FSCN1: variants seen among roughly 807,000 people sequenced by gnomAD.
FSCN1 encodes fascin actin-bundling protein 1.
FSCN1 carries 10 observed loss-of-function variants against 39.7 expected under a neutral mutation model. That is an observed-to-expected ratio of 0.25 (90% CI 0.16 to 0.43). FSCN1 has a LOEUF of 0.43. Among genes scored for constraint, FSCN1 ranks in the 20% least tolerant of loss-of-function variants. FSCN1 has a pLI of 1.00. For missense variants in FSCN1, 525 were observed against 723.8 expected (o/e 0.73, Z 3.15); for synonymous variants, 322 against 320.0 (o/e 1.01, Z -0.07).
At chr7:5,601,428 C>A (rs995528085) in intron 1 of FSCN1, among the ~76,000 whole-genome samples, 1 of 151,898 alleles carries the variant, frequency 6.6e-6, no homozygotes, top group Non-Finnish European at 1.5e-5. Context: ...GTCTTGAACT[C>A]ATGACCTCAG....
In FSCN1 at chr7:5,593,113, C is replaced by T. The variant is rs776317377; in HGVS notation, c.177C>T (p.Ala59=). The T allele has an allele frequency of 6.2e-7, 1 of 1,604,606 alleles. No homozygotes were observed. Among genetic ancestry groups the T allele is most frequent in the Non-Finnish European group, 8.5e-7 (1 of 1,177,026 alleles). ...EQPPDEAGSA[A]VCLRSHLGRY... The stretch of plus-strand genomic sequence containing the variant: ...CCCCTGACGAGGCGGGCAGCGCGGC[C>T]GTGTGCCTGCGCAGCCACCTGGGCC... Residue 59 remains alanine (A), a synonymous_variant, in exon 1 of 5, where the codon GCC becomes GCT. Transcript: ENST00000382361.
intron 1 of FSCN1, among the ~76,000 whole-genome samples, chr7:5,602,562 T>A (rs971022904): frequency 6.6e-6 from 1 of 152,158 alleles, no homozygotes; most frequent in Admixed American, 6.6e-5. Context: ...TCCATCTGTG[T>A]TTCTAAAAAA....
At chr7:5,598,074 T>C (rs1785763009) in intron 1 of FSCN1, among the ~76,000 whole-genome samples, 1 of 152,230 alleles carries the variant, frequency 6.6e-6, no homozygotes, top group Non-Finnish European at 1.5e-5. Context: ...CCCTTTCCCC[T>C]ATCCCTCCCT....
chr7:5,602,942 T>G (rs959573914), intron 1 of FSCN1: 3 of 386,332 alleles, frequency 7.8e-6, no homozygotes, highest in Non-Finnish European at 1.4e-5. Context: ...ACTCCTAGAC[T>G]CAAACAATCC....
chr7:5,597,784 A>G (rs1370498597), intron 1 of FSCN1, among the ~76,000 whole-genome samples: 1 of 151,190 alleles, frequency 6.6e-6, no homozygotes, highest in Non-Finnish European at 1.5e-5. Flanking sequence ...CAAAGGCTGG[A>G]AACAGGGAAG....
In FSCN1 at chr7:5,605,640, T is replaced by C; in HGVS notation, c.*166T>C. 1.7e-6 allele frequency: 1 copy of C among 597,958 alleles called. No individual in the cohort carries two copies. The highest frequency in any genetic ancestry group is 2.1e-5 in the South Asian group (1 of 48,504). 37.0% of individuals were successfully genotyped at this position (597,958 alleles called of 1,614,324 possible). On this transcript the variant is annotated 3_prime_UTR_variant, in exon 5 of 5. Coordinates refer to ENST00000382361, the MANE Select transcript of FSCN1 (RefSeq NM_003088.4). This position sits in a 1 kb window ranked among gnomAD's most constrained non-coding sequence, Gnocchi z 6.9. ...GCCCCCACCTGTCGCCCCTATGGAC[T>C]CCCCACTCTCCCCTCCGCCCGGGTT...
At position 5,599,719 on chromosome 7, in the gene FSCN1, T is replaced by G. The variant is rs1785793163; in HGVS notation, c.833-3538T>G. Among the ~76,000 whole-genome samples the G allele has an allele frequency of 6.6e-6, 1 of 151,966 alleles. No homozygotes were observed. Among genetic ancestry groups the G allele is most frequent in the South Asian group, 2.1e-4 (1 of 4,828 alleles). On this transcript the variant is annotated intron_variant, in intron 1 of 4. Coordinates refer to ENST00000382361, the MANE Select transcript of FSCN1 (RefSeq NM_003088.4). The surrounding 1 kb of genome is among the most constrained non-coding windows in gnomAD (Gnocchi z 5.6). ...TACTGGGGAGACTGAGGCAAGAGGA[T>G]CCTTTGAGCCCAGGAGGTGGAGGCT...
At chr7:5,593,993 T>C (rs1276502343) in intron 1 of FSCN1, 2 of 545,852 alleles carry the variant, frequency 3.7e-6, no homozygotes, top group Non-Finnish European at 6.4e-6. Flanking sequence ...CGGGCTGGGA[T>C]CATGGGCTCC....
chr7:5,598,151 G>C (rs922082061), intron 1 of FSCN1, among the ~76,000 whole-genome samples: 1 of 152,180 alleles, frequency 6.6e-6, no homozygotes, highest in Non-Finnish European at 1.5e-5. Flanking sequence ...CTGGCGGAGC[G>C]GAGAGGCTGG....
chr7:5,596,603 C>G (rs935875707), intron 1 of FSCN1, among the ~76,000 whole-genome samples: 1 of 150,232 alleles, frequency 6.7e-6, no homozygotes, highest in Non-Finnish European at 1.5e-5. Flanking sequence ...TCTCACATCT[C>G]TCACATCTGG....
chr7:5,601,311 T>C (rs1377534250), intron 1 of FSCN1, among the ~76,000 whole-genome samples: 2 of 148,846 alleles, frequency 1.3e-5, no homozygotes, highest in African/African-American at 4.9e-5. Flanking sequence ...CAAGTGATTC[T>C]CCTGCCTCAG....
Position 5,593,279 on chromosome 7 carries a change from A to T in FSCN1, c.343A>T (p.Thr115Ser). ...GGCGCACCGGCGCTACTTCGGCGGC[A>T]CCGAGGACCGCCTGTCCTGCTTCGC... ...SEAHRRYFGG[T>S]EDRLSCFAQT... Residue 115 changes from threonine (T) to serine (S), a missense_variant, in exon 1 of 5, where the codon ACC becomes TCC. Physicochemically the swap from Thr to Ser is moderately conservative, Grantham distance 58. Transcript: ENST00000382361. 1 of 1,609,914 alleles carries T rather than the reference A, an allele frequency of 6.2e-7. No homozygotes were observed. Among genetic ancestry groups the T allele is most frequent in the East Asian group, 2.2e-5 (1 of 44,824 alleles).
rs1182668185 is a variant in FSCN1, at chr7:5,592,844, C to T, written c.-93C>T. 1.2e-5 allele frequency: 9 copies of T among 725,338 alleles called. No homozygotes were observed. The highest frequency in any genetic ancestry group is 3.0e-5 in the East Asian group (1 of 33,834). 44.9% of individuals were successfully genotyped at this position (725,338 alleles called of 1,614,324 possible). On this transcript the variant is annotated 5_prime_UTR_variant, in exon 1 of 5. Coordinates refer to ENST00000382361, the MANE Select transcript of FSCN1 (RefSeq NM_003088.4). This position sits in a 1 kb window ranked among gnomAD's most constrained non-coding sequence, Gnocchi z 5.3. Reference sequence around the variant, plus strand: ...GAGCGCTGCGGAGGGTGCGTGCGGGCCGCGGCAGCCGAACAAAGGAGCAGG... The same window carrying T: ...GAGCGCTGCGGAGGGTGCGTGCGGGTCGCGGCAGCCGAACAAAGGAGCAGG...
chr7:5,597,747 T>TAAA lies in FSCN1; in HGVS notation c.832+3991_832+3993dup, dbSNP rs566357479. On this transcript the variant is annotated intron_variant, in intron 1 of 4. Coordinates refer to ENST00000382361, the MANE Select transcript of FSCN1 (RefSeq NM_003088.4). The stretch of plus-strand genomic sequence containing the variant: ...ATTAAAATAATTAAAAGAAAAAAGT[T>TAAA]AAAAAAAAAAAAAAGAGAGGATGGC... Among the ~76,000 whole-genome samples the TAAA allele has an allele frequency of 2.9e-4, 39 of 133,974 alleles. 1 individual carries two copies. The highest frequency in any genetic ancestry group is 1.9e-4 in the Non-Finnish European group (12 of 61,644). 87.9% of individuals were successfully genotyped at this position (133,974 alleles called of 152,430 possible).
In FSCN1 at chr7:5,603,324, C is replaced by A; in HGVS notation, c.900C>A (p.Arg300=). The change falls in exon 2 of 5, where the codon CGC becomes CGA. Residue 300 remains arginine, a synonymous_variant. Transcript: ENST00000382361. The surrounding 1 kb of genome is among the most constrained non-coding windows in gnomAD (Gnocchi z 8.5). The part of the protein sequence containing the change: ...DQETFQLEID[R]DTKKCAFRTH... ...AGACCTTCCAGCTGGAGATCGACCG[C>A]GACACCAAAAAGTGTGCCTTCCGTA... 2 of 1,613,512 alleles carry A rather than the reference C, an allele frequency of 1.2e-6. No homozygotes were observed. Among genetic ancestry groups the A allele is most frequent in the East Asian group, 4.5e-5 (2 of 44,882 alleles).
intron 1 of FSCN1, among the ~76,000 whole-genome samples, chr7:5,597,683 AC>A (rs1315123507): frequency 6.6e-5 from 10 of 151,420 alleles, no homozygotes; most frequent in African/African-American, 2.2e-4. Context: ...ACAAAACAAA[AC>A]AAAAAAAACA....
intron 4 of FSCN1, among the ~76,000 whole-genome samples, chr7:5,604,750 C>T (rs1339186182): frequency 1.3e-5 from 2 of 152,198 alleles, no homozygotes; most frequent in Non-Finnish European, 2.9e-5. Flanking sequence ...ATTCTCCTGC[C>T]TCAGCCTCCC....
chr7:5,593,781 G>T lies in FSCN1; in HGVS notation c.832+13G>T. The T allele has an allele frequency of 6.7e-7, 1 of 1,496,996 alleles. No individual in the cohort carries two copies. The highest frequency in any genetic ancestry group is 9.0e-7 in the Non-Finnish European group (1 of 1,110,168). The allele number at this position is 1,496,996 out of a possible 1,614,324, so 92.7% of individuals were successfully genotyped here. On this transcript the variant is annotated intron_variant, in intron 1 of 4. Transcript: ENST00000382361. ...TCCACGCGCCAGGGTGAGTGGGGAC[G>T]CTGCCCCCGCCTCTCCTGGTCCGTG...
chr7:5,603,770 T>C lies in FSCN1; in HGVS notation c.1112-93T>C. 2 of 1,490,564 alleles carry C rather than the reference T, an allele frequency of 1.3e-6. No homozygotes were observed. The highest frequency in any genetic ancestry group is 1.8e-6 in the Non-Finnish European group (2 of 1,085,226). The allele number at this position is 1,490,564 out of a possible 1,614,324, so 92.3% of individuals were successfully genotyped here. A position where few individuals can be genotyped will look rare whatever the true frequency, so the allele number is the denominator to read the frequency against. On this transcript the variant is annotated intron_variant, in intron 3 of 4. Transcript: ENST00000382361. The surrounding 1 kb of genome is among the most constrained non-coding windows in gnomAD (Gnocchi z 8.5). ...CTGTCCTACCCTGGGGACTGCTGTG[T>C]GACCCCAGCTCCTGGCCCTCCCTCT...
Sources: allele counts gnomAD v4.1 joint callset (sites outside exome capture counted in the v4.1 genomes callset), GRCh38; gene constraint gnomAD v4.1.1; non-coding constraint Gnocchi (gnomAD v3.1); transcripts MANE v1.5; gene names NCBI Gene and HGNC (gene_info 2026-07-23, HGNC 2026-07-21).